The following GRID1 variants were observed in gnomAD, a reference collection of about 807,000 sequenced individuals.
GRID1 encodes the protein glutamate ionotropic receptor delta type subunit 1, also known as glutamate receptor ionotropic, delta-1.
GRID1 carries 28 observed loss-of-function variants against 98.0 expected under a neutral mutation model. The ratio of observed to expected loss-of-function variants is 0.29; its 90% CI spans 0.21 to 0.39. The LOEUF (loss-of-function observed/expected upper bound fraction) is 0.39. GRID1 is among the 10% of genes least tolerant of loss of function. The pLI is 1.00. For missense variants in GRID1, 1,111 were observed against 1,340.5 expected, an observed-to-expected ratio of 0.83 and a Z score of 2.67; for synonymous variants, 553 against 538.5, an observed-to-expected ratio of 1.03 and a Z score of -0.37.
At chr10:85,667,229 G>A (rs1462338775) in intron 12 of GRID1, among the ~76,000 whole-genome samples, 5 of 151,742 alleles carry the variant, frequency 3.3e-5, no homozygotes, top group Non-Finnish European at 7.4e-5. Flanking sequence ...CTTCTTCCTG[G>A]GAAAAATTTC....
At chr10:85,907,540 C>G (rs1431735186) in intron 5 of GRID1, among the ~76,000 whole-genome samples, 1 of 152,202 alleles carries the variant, frequency 6.6e-6, no homozygotes, top group Non-Finnish European at 1.5e-5. Context: ...AGTTAAAACA[C>G]TTCCCTAAAG....
chr10:86,059,579 C>T (rs964762710), intron 4 of GRID1, among the ~76,000 whole-genome samples: 10 of 152,194 alleles, frequency 6.6e-5, no homozygotes, highest in African/African-American at 2.4e-4. Context: ...ACAAACTCTC[C>T]TGTTAAAGGG....
chr10:85,823,399 AAAT>A (rs1842790983), intron 8 of GRID1, among the ~76,000 whole-genome samples: 1 of 152,048 alleles, frequency 6.6e-6, no homozygotes, highest in African/African-American at 2.4e-5. Flanking sequence ...ATAATTTGAG[AAAT>A]AATTAGAATC....
chr10:86,071,928 T>C (rs1199753264), intron 4 of GRID1, among the ~76,000 whole-genome samples: 1 of 151,828 alleles, frequency 6.6e-6, no homozygotes, highest in Non-Finnish European at 1.5e-5. Flanking sequence ...AAAGGAATAG[T>C]GAAGTGAAAG....
At chr10:85,956,810 T>C (rs1842200731) in intron 4 of GRID1, among the ~76,000 whole-genome samples, 1 of 152,182 alleles carries the variant, frequency 6.6e-6, no homozygotes, top group Non-Finnish European at 1.5e-5. Context: ...GCAACAGAAA[T>C]TGATTCTAAT....
At chr10:86,260,864 T>C (rs1165283579) in intron 2 of GRID1, among the ~76,000 whole-genome samples, 4 of 152,242 alleles carry the variant, frequency 2.6e-5, no homozygotes, top group African/African-American at 9.6e-5. Context: ...GCCGGTTCCT[T>C]CACCTGTGAT....
At chr10:85,924,192 AG>A (rs1384441967) in intron 4 of GRID1, among the ~76,000 whole-genome samples, 1 of 152,264 alleles carries the variant, frequency 6.6e-6, no homozygotes, top group African/African-American at 2.4e-5. Flanking sequence ...ACAGTTAAAA[AG>A]AATATGAATG....
chr10:86,159,137 G>A (rs1004435035), intron 3 of GRID1, among the ~76,000 whole-genome samples: 6 of 152,084 alleles, frequency 3.9e-5, no homozygotes, highest in Admixed American at 6.5e-5. Flanking sequence ...CTCGTGATCC[G>A]CCTGCCTCGG....
At chr10:85,617,503 G>A (rs1842806373) in intron 14 of GRID1, among the ~76,000 whole-genome samples, 1 of 152,032 alleles carries the variant, frequency 6.6e-6, no homozygotes, top group Non-Finnish European at 1.5e-5. Flanking sequence ...CAAAGTGCTG[G>A]GAGCCACTGC....
At chr10:85,917,509 C>G (rs1841637606) in intron 4 of GRID1, among the ~76,000 whole-genome samples, 1 of 152,186 alleles carries the variant, frequency 6.6e-6, no homozygotes, top group Non-Finnish European at 1.5e-5. Flanking sequence ...TCATTAAAAT[C>G]AGACCATGAA....
chr10:85,712,247 A>G (rs1419101356), intron 12 of GRID1, among the ~76,000 whole-genome samples: 1 of 151,834 alleles, frequency 6.6e-6, no homozygotes, highest in Admixed American at 6.6e-5. Flanking sequence ...TGATCCAACT[A>G]TATGCTCTGT....
intron 2 of GRID1, among the ~76,000 whole-genome samples, chr10:86,343,978 C>T (rs17106617): frequency 0.25 from 38,154 of 152,290 alleles, 6,590 homozygotes; most frequent in East Asian, 0.5. Context: ...TGGCCCTTGG[C>T]GTTCCATCTC....
intron 8 of GRID1, among the ~76,000 whole-genome samples, chr10:85,754,312 C>A (rs1199071325): frequency 6.6e-6 from 1 of 152,160 alleles, no homozygotes; most frequent in African/African-American, 2.4e-5. Flanking sequence ...CTGCCACATG[C>A]CAGAAACTGA....
chr10:85,771,366 T>A (rs1391594904), intron 8 of GRID1, among the ~76,000 whole-genome samples: 2 of 152,012 alleles, frequency 1.3e-5, no homozygotes, highest in African/African-American at 4.8e-5. Context: ...CACTGCAAAA[T>A]CATGCCAAAT....
At chr10:86,322,209 C>A (rs1207878924) in intron 2 of GRID1, among the ~76,000 whole-genome samples, 1 of 152,012 alleles carries the variant, frequency 6.6e-6, no homozygotes, top group African/African-American at 2.4e-5. Flanking sequence ...TCCCAGATGG[C>A]ACAAAAACCC....
At chr10:86,279,404 A>G (rs1414016580) in intron 2 of GRID1, among the ~76,000 whole-genome samples, 2 of 152,236 alleles carry the variant, frequency 1.3e-5, no homozygotes, top group Non-Finnish European at 2.9e-5. Flanking sequence ...ATCAAATCCA[A>G]CAATATATAA....
intron 8 of GRID1, among the ~76,000 whole-genome samples, chr10:85,824,823 C>T (rs570448651): frequency 6.6e-6 from 1 of 152,232 alleles, no homozygotes; most frequent in South Asian, 2.1e-4. Context: ...TCTGAGTTAA[C>T]TTCACTTAGA....
At position 86,192,779 on chromosome 10, in the gene GRID1, G is replaced by C. The variant is rs978267807; in HGVS notation, c.520+13585C>G. On this transcript the variant is annotated intron_variant, in intron 3 of 15. Transcript: ENST00000327946. The surrounding 1 kb of genome is among the most constrained non-coding windows in gnomAD (Gnocchi z 4.8). ...GTAGAATCCAGCACACAGGACCAGGGCCAACAGGTGATGTTCACACCGATA... is the reference window on the plus strand; with the variant it reads ...GTAGAATCCAGCACACAGGACCAGGCCCAACAGGTGATGTTCACACCGATA... Among the ~76,000 whole-genome samples, 3 of 151,986 alleles carry C rather than the reference G, an allele frequency of 2.0e-5. No individual in the cohort carries two copies. Among genetic ancestry groups the C allele is most frequent in the African/African-American group, 7.2e-5 (3 of 41,396 alleles).
chr10:85,927,134 G>C (rs897389238), intron 4 of GRID1, among the ~76,000 whole-genome samples: 7 of 152,200 alleles, frequency 4.6e-5, no homozygotes, highest in Non-Finnish European at 7.3e-5. Context: ...GGAAGTGTGT[G>C]GGCAAGCTGA....
Sources: gnomAD v4.1 joint callset for allele counts (sites outside exome capture counted in the v4.1 genomes callset) on GRCh38, gnomAD v4.1.1 for gene constraint, Gnocchi (gnomAD v3.1) non-coding constraint, MANE v1.5 for transcripts, NCBI Gene and HGNC (gene_info 2026-07-23, HGNC 2026-07-21) for gene names.